Variants in PHF24 observed in about 807,000 individuals in gnomAD.
The protein encoded by PHF24 is Galpha inhibitory interacting protein.
Under a neutral mutation model 42.6 loss-of-function variants are expected in PHF24, and 25 were observed. That is an observed-to-expected ratio of 0.59 (90% confidence interval 0.43 to 0.82). PHF24 has a LOEUF of 0.82. PHF24 is among the 40% of genes least tolerant of loss of function. The pLI, the probability that PHF24 is intolerant of heterozygous loss-of-function variation, is 0.00. For missense variants in PHF24, 470 were observed against 538.1 expected, an observed-to-expected ratio of 0.87 and a Z score of 1.25; for synonymous variants, 185 against 204.8, an observed-to-expected ratio of 0.90 and a Z score of 0.83.
At chr9:34,826,556 G>C in the PHF24 span, among the ~76,000 whole-genome samples, 1 of 152,232 alleles carries the variant, frequency 6.6e-6, no homozygotes, top group Non-Finnish European at 1.5e-5. Context: ...CAGTGAGCAG[G>C]TATAGAAGTG....
chr9:34,874,815 T>A, the PHF24 span, among the ~76,000 whole-genome samples: 2 of 152,090 alleles, frequency 1.3e-5, no homozygotes, highest in Non-Finnish European at 2.9e-5. Flanking sequence ...TATTATTTTT[T>A]AAAATTTTTG....
At chr9:34,819,193 A>T in the PHF24 span, among the ~76,000 whole-genome samples, 1 of 152,032 alleles carries the variant, frequency 6.6e-6, no homozygotes, top group East Asian at 1.9e-4. Context: ...TTACTGGATC[A>T]ATCTGACTAG....
At chr9:34,679,135 C>A in the PHF24 span, among the ~76,000 whole-genome samples, 1 of 152,196 alleles carries the variant, frequency 6.6e-6, no homozygotes, top group African/African-American at 2.4e-5. Context: ...AAGCAAGGAC[C>A]ATGGGGAATC....
the PHF24 span, among the ~76,000 whole-genome samples, chr9:34,740,339 G>A: frequency 3.9e-5 from 6 of 152,378 alleles, no homozygotes; most frequent in East Asian, 7.7e-4. Flanking sequence ...GAGTGGGTGG[G>A]AGGCTCAGGC....
At chr9:34,922,234 A>G in the PHF24 span, 75 of 1,592,042 alleles carry the variant, frequency 4.7e-5, no homozygotes, top group Non-Finnish European at 6.1e-5. Context: ...CGGGTATCCG[A>G]TGTCCACAAT....
the PHF24 span, among the ~76,000 whole-genome samples, chr9:34,950,147 G>A: frequency 2.0e-5 from 3 of 151,664 alleles, no homozygotes; most frequent in Non-Finnish European, 4.4e-5. Context: ...TCAGGAGTTC[G>A]AGACCAGCTT....
At chr9:34,837,074 G>A in the PHF24 span, 1 of 471,448 alleles carries the variant, frequency 2.1e-6, no homozygotes, top group Non-Finnish European at 4.4e-6. Flanking sequence ...ACCTTTTCAT[G>A]ACAGAGAACA....
chr9:34,761,966 G>A, the PHF24 span, among the ~76,000 whole-genome samples: 2,773 of 151,874 alleles, frequency 0.018, 44 homozygotes, highest in Non-Finnish European at 0.028. Context: ...TTGTTCTTGC[G>A]ATAGTTTACT....
At chr9:34,725,682 C>T in the PHF24 span, 2 of 1,513,820 alleles carry the variant, frequency 1.3e-6, no homozygotes, top group South Asian at 2.6e-5. Flanking sequence ...TCCAAGGCTT[C>T]ATACTCAGCC....
the PHF24 span, among the ~76,000 whole-genome samples, chr9:34,850,911 C>T: frequency 2.0e-5 from 3 of 152,184 alleles, no homozygotes; most frequent in Non-Finnish European, 2.9e-5. Context: ...TGCAGAACAG[C>T]GGATTTTTGT....
chr9:34,976,801 G>A (rs1203015563), intron 5 of PHF24, 61 bp downstream of exon 5: 21 of 1,463,760 alleles, frequency 1.4e-5, no homozygotes, highest in South Asian at 3.5e-5. Flanking sequence ...TGGGAGGCAC[G>A]CTGGGCAGAT....
At chr9:34,858,948 C>T in the PHF24 span, among the ~76,000 whole-genome samples, 1 of 152,108 alleles carries the variant, frequency 6.6e-6, no homozygotes, top group African/African-American at 2.4e-5. Context: ...GACTCTTTGT[C>T]AGGGAAGTTC....
chr9:34,740,251 G>T, the PHF24 span, among the ~76,000 whole-genome samples: 482 of 152,246 alleles, frequency 3.2e-3, 2 homozygotes, highest in Non-Finnish European at 5.6e-3. Flanking sequence ...CTCAGCCCTT[G>T]GGTGGTCGAT....
chr9:34,706,054 GA>G, the PHF24 span, among the ~76,000 whole-genome samples: 1 of 152,166 alleles, frequency 6.6e-6, no homozygotes. Context: ...TTTAAAAAGG[GA>G]AGGGCATTAG....
At chr9:34,736,226 A>C in the PHF24 span, among the ~76,000 whole-genome samples, 2 of 152,204 alleles carry the variant, frequency 1.3e-5, no homozygotes, top group Non-Finnish European at 2.9e-5. Context: ...ACGTATATGC[A>C]ACTGACATCC....
chr9:34,841,750 C>G, the PHF24 span, among the ~76,000 whole-genome samples: 353 of 152,234 alleles, frequency 2.3e-3, 3 homozygotes, highest in African/African-American at 8.0e-3. Flanking sequence ...CCCAGCTACT[C>G]CAGAGGCTGA....
the PHF24 span, among the ~76,000 whole-genome samples, chr9:34,757,883 A>T: frequency 2.6e-5 from 4 of 152,106 alleles, no homozygotes; most frequent in Non-Finnish European, 5.9e-5. Context: ...GATTAGGGCC[A>T]TAGGGCTATT....
chr9:34,972,118 T>C (rs1587473685), intron 2 of PHF24, among the ~76,000 whole-genome samples: 1 of 152,328 alleles, frequency 6.6e-6, no homozygotes, highest in East Asian at 1.9e-4. Flanking sequence ...CTAAAAGTGC[T>C]AGTAGCTCCC....
chr9:34,819,883 G>C, the PHF24 span, among the ~76,000 whole-genome samples: 3 of 151,920 alleles, frequency 2.0e-5, no homozygotes, highest in African/African-American at 7.3e-5. Flanking sequence ...CCCAATTATT[G>C]TGAGAGGGGC....
Sources: allele counts gnomAD v4.1 joint callset (sites outside exome capture counted in the v4.1 genomes callset), GRCh38; gene constraint gnomAD v4.1.1; transcripts MANE v1.5; gene names NCBI Gene and HGNC (gene_info 2026-07-23, HGNC 2026-07-21).